The following ADGRF5 variants were observed in gnomAD, a reference collection of about 807,000 sequenced individuals.
ADGRF5 encodes G-protein coupled receptor 116.
Under a neutral mutation model 132.3 loss-of-function variants are expected in ADGRF5, and 75 were observed. The ratio of observed to expected loss-of-function variants is 0.57; its 90% confidence interval spans 0.47 to 0.69. ADGRF5 has a LOEUF of 0.69. ADGRF5 is among the 30% of genes least tolerant of loss of function. The pLI is 0.00. For synonymous variants in ADGRF5, 629 were observed against 597.6 expected (o/e 1.05, Z -0.77); for missense variants, 1,516 against 1,630.6 (o/e 0.93, Z 1.21).
chr6:46,862,908 T>C lies in ADGRF5; in HGVS notation c.2179A>G (p.Ser727Gly), dbSNP rs1273931278. 6.2e-7 allele frequency: 1 copy of C among 1,611,754 alleles called. No homozygotes were observed. The highest frequency in any genetic ancestry group is 8.5e-7 in the Non-Finnish European group (1 of 1,178,548). ...RNDCISAPIN[S>G]LLQMAKALIK... ...ATCACCTTAGCCATCTGGAGCAGAC[T>C]GTTTATTGGGGCAGAGATGCAGTCA... is the stretch of plus-strand genomic sequence containing the variant. Residue 727 changes from serine to glycine, a missense_variant, in exon 15 of 21, where the codon AGT (serine) becomes GGT (glycine). Ser to Gly is a moderately conservative substitution (Grantham distance 56). Around this residue, in one of 2 missense-constraint regions of ADGRF5, gnomAD observed 945 missense variants for 929.4 expected, o/e 1.02. Coordinates refer to ENST00000283296, the MANE Select transcript of ADGRF5 (RefSeq NM_001098518.2).
At chr6:46,882,448 T>C (rs1295986594) in intron 6 of ADGRF5, among the ~76,000 whole-genome samples, 1 of 152,200 alleles carries the variant, frequency 6.6e-6, no homozygotes, top group Non-Finnish European at 1.5e-5. Flanking sequence ...TAGCCTGAGC[T>C]TGGAAATGTT....
At chr6:46,889,176 T>C (rs1214854277) in intron 3 of ADGRF5, among the ~76,000 whole-genome samples, 2 of 112,442 alleles carry the variant, frequency 1.8e-5, no homozygotes, top group African/African-American at 7.3e-5. Context: ...TATGTGTGTG[T>C]ATGTGTATAC....
chr6:46,858,819 T>A lies in ADGRF5; in HGVS notation c.3084A>T (p.Ala1028=). 1 of 1,614,130 alleles carries A rather than the reference T, an allele frequency of 6.2e-7. No homozygotes were observed. The change falls in exon 17 of 21, where the codon GCA becomes GCT. Residue 1028 remains alanine (A), a synonymous_variant. Coordinates refer to ENST00000283296, the MANE Select transcript of ADGRF5 (RefSeq NM_001098518.2). The part of the protein sequence containing the change: ...VGVGFSILSL[A]ACLVVEAVVW... Reference sequence around the variant, plus strand: ...CCACAGCTTCCACAACTAGACAGGCTGCCAAGCTCAAGATGGAAAAGCCCA... The same window carrying A: ...CCACAGCTTCCACAACTAGACAGGCAGCCAAGCTCAAGATGGAAAAGCCCA...
At chr6:46,915,718 A>T (rs763611733) in intron 1 of ADGRF5, among the ~76,000 whole-genome samples, 10 of 152,002 alleles carry the variant, frequency 6.6e-5, no homozygotes, top group African/African-American at 1.2e-4. Context: ...TGAAAAAAAA[A>T]ATATTACTTT....
At chr6:46,861,903 C>T (rs959359532) in intron 15 of ADGRF5, among the ~76,000 whole-genome samples, 2 of 150,584 alleles carry the variant, frequency 1.3e-5, no homozygotes, top group African/African-American at 4.9e-5. Flanking sequence ...TCTCTCATGC[C>T]TCATTCATCA....
chr6:46,905,921 A>G (rs1775312350), intron 2 of ADGRF5, among the ~76,000 whole-genome samples: 1 of 152,234 alleles, frequency 6.6e-6, no homozygotes, highest in Non-Finnish European at 1.5e-5. Context: ...AAAGGAAATC[A>G]GTACTACTAT....
chr6:46,877,293 C>CTTTCTT (rs1554200479), intron 10 of ADGRF5, among the ~76,000 whole-genome samples: 957 of 58,146 alleles, frequency 0.016, 4 homozygotes, highest in East Asian at 0.026. Context: ...CTTTCTTTCT[C>CTTTCTT]TCTCTCTCTC....
rs1157976472 is a variant in ADGRF5 at position 46,859,630 on chromosome 6, G to A, written c.2380-107C>T. 1.3e-5 allele frequency: 9 copies of A among 717,510 alleles called. No homozygotes were observed. The African/African-American group carries it at 1.6e-4, about 13-fold the overall frequency. The allele number at this position is 717,510 out of a possible 1,614,324, so 44.4% of individuals were successfully genotyped here. A position where few individuals can be genotyped will look rare whatever the true frequency, so the allele number is the denominator to read the frequency against. On this transcript the variant is annotated intron_variant, in intron 16 of 20. Transcript: ENST00000283296. The stretch of plus-strand genomic sequence containing the variant: ...TGATTGCATAAAGGTAAGAGGAAAT[G>A]AGAAAACAAAAATGAGACATCACAG...
At position 46,866,564 on chromosome 6, in the gene ADGRF5, AT is replaced by A. The variant is rs569950053; in HGVS notation, c.1834+360del. On this transcript the variant is annotated intron_variant, in intron 13 of 20. Coordinates refer to ENST00000283296, the MANE Select transcript of ADGRF5 (RefSeq NM_001098518.2). ...TTTCTCATACTTTCTTACATGCTCA[AT>A]TATGCATTTAAAGGGATTTTCATGG... is the stretch of plus-strand genomic sequence containing the variant. 1.9e-3 allele frequency among the ~76,000 whole-genome samples: 284 copies of A among 152,064 alleles called. 1 individual carries two copies. The highest frequency in any genetic ancestry group is 6.6e-3 in the African/African-American group (272 of 41,472).
rs545711827 is a variant in ADGRF5, at chr6:46,912,887, C to T, written c.-24-6101G>A. ...GCAAGTTAGCTCACTGCAACCTTGG[C>T]ATTATCAGTACTGCACAAAGCCCTC... is the stretch of plus-strand genomic sequence containing the variant. On this transcript the variant is annotated intron_variant, in intron 1 of 20. Coordinates refer to ENST00000283296, the MANE Select transcript of ADGRF5 (RefSeq NM_001098518.2). Among the ~76,000 whole-genome samples the T allele has an allele frequency of 7.2e-5, 11 of 152,224 alleles. No individual in the cohort carries two copies. In the South Asian group the frequency reaches 2.3e-3, roughly 32 times the overall value.
rs1554131450 is a variant in ADGRF5 at position 46,953,687 on chromosome 6, A to ATATC, written c.-25+1043_-25+1046dup. ...TATATATATATATATATATATATAT[A>ATATC]TATCTCACTGACAGTGGCATTATTA... On this transcript the variant is annotated intron_variant, in intron 1 of 20. Transcript: ENST00000265417. Among the ~76,000 whole-genome samples, 37 of 130,260 alleles carry ATATC rather than the reference A, an allele frequency of 2.8e-4. 1 individual carries two copies. The highest frequency in any genetic ancestry group is 4.9e-4 in the South Asian group (2 of 4,076). The allele number at this position is 130,260 out of a possible 152,430, so 85.5% of individuals were successfully genotyped here.
intron 20 of ADGRF5, 44 bp from the exon 21 acceptor site, chr6:46,854,115 T>C (rs1176519455): frequency 7.0e-7 from 1 of 1,424,714 alleles, no homozygotes; most frequent in African/African-American, 1.5e-5. Flanking sequence ...CAAGCCATCA[T>C]GAACTCTGGG....
chr6:46,862,512 G>T (rs974101936), intron 15 of ADGRF5, among the ~76,000 whole-genome samples: 1 of 151,752 alleles, frequency 6.6e-6, no homozygotes, highest in Non-Finnish European at 1.5e-5. Context: ...TTTTTATATT[G>T]CTCCTTTTTC....
intron 13 of ADGRF5, among the ~76,000 whole-genome samples, chr6:46,865,958 A>G (rs499116): frequency 0.84 from 127,154 of 152,108 alleles, 54,953 homozygotes; most frequent in East Asian, 0.99. Context: ...GTTATTGAAA[A>G]AATGAATGAG....
At chr6:46,925,530 GT>G (rs369049051), upstream of ADGRF5, among the ~76,000 whole-genome samples, 5,039 of 150,900 alleles carry the variant, frequency 0.033, 259 homozygotes, top group African/African-American at 0.11. Context: ...GCCAAGACAG[GT>G]GGATTACTTG....
At chr6:46,897,732 G>C (rs1009844994) in intron 3 of ADGRF5, among the ~76,000 whole-genome samples, 1 of 152,166 alleles carries the variant, frequency 6.6e-6, no homozygotes, top group Non-Finnish European at 1.5e-5. Flanking sequence ...TTTTAGTAGA[G>C]ACGGAGTTTC....
chr6:46,892,056 A>C (rs189035829), intron 3 of ADGRF5, among the ~76,000 whole-genome samples: 1 of 151,984 alleles, frequency 6.6e-6, no homozygotes, highest in Non-Finnish European at 1.5e-5. Context: ...CAAAAACACC[A>C]CTGTAATTTA....
Position 46,858,391 on chromosome 6 carries a change from G to A in ADGRF5, c.3512C>T (p.Ala1171Val). The A allele has an allele frequency of 1.2e-6, 2 of 1,613,974 alleles. No individual in the cohort carries two copies. Among genetic ancestry groups the A allele is most frequent in the Middle Eastern group, 1.7e-4 (1 of 6,058 alleles). ...VCWLNWEDTK[A>V]LLAFAIPALI... The stretch of plus-strand genomic sequence containing the variant: ...TGCTGGGATGGCGAAAGCCAGCAGG[G>A]CCTTGGTGTCCTCCCAGTTGAGCCA... The change falls in exon 17 of 21, where the codon GCC (alanine) becomes GTC (valine). Residue 1171 changes from alanine (A) to valine (V), a missense_variant. This residue lies in a region of ADGRF5 where 571 missense variants were observed against 701.2 expected (regional missense o/e 0.81). Coordinates refer to ENST00000283296, the MANE Select transcript of ADGRF5 (RefSeq NM_001098518.2).
At chr6:46,922,364 G>A (rs1371640099), upstream of ADGRF5, among the ~76,000 whole-genome samples, 1 of 152,282 alleles carries the variant, frequency 6.6e-6, no homozygotes, top group South Asian at 2.1e-4. Context: ...GTCCTCCCCC[G>A]CGGGAGGGCT....
Sources: allele counts gnomAD v4.1 joint callset (sites outside exome capture counted in the v4.1 genomes callset), GRCh38; gene constraint gnomAD v4.1.1; regional missense constraint gnomAD v4.1.1; transcripts MANE v1.5; gene names NCBI Gene and HGNC (gene_info 2026-07-23, HGNC 2026-07-21).